TTC28: variants seen among roughly 807,000 people sequenced by gnomAD.
TTC28 encodes tetratricopeptide repeat domain 28.
Under a neutral mutation model 198.0 loss-of-function variants are expected in TTC28, and 61 were observed. The ratio of observed to expected loss-of-function variants is 0.31; its 90% CI spans 0.25 to 0.38. The LOEUF is 0.38. Ranked by LOEUF, TTC28 falls within the 10% of genes least tolerant of loss-of-function variation. The pLI, the probability that TTC28 is intolerant of heterozygous loss-of-function variation, is 1.00. For synonymous variants in TTC28, 1,171 were observed against 1,297.8 expected, an observed-to-expected ratio of 0.90 and a Z score of 2.10; for missense variants, 2,678 against 3,164.0, an observed-to-expected ratio of 0.85 and a Z score of 3.69.
At chr22:28,009,105 T>C (rs986398019) in intron 14 of TTC28, among the ~76,000 whole-genome samples, 5 of 152,240 alleles carry the variant, frequency 3.3e-5, no homozygotes, top group Non-Finnish European at 7.3e-5. Flanking sequence ...TGATGGCTCA[T>C]GTGCAAATGC....
At chr22:28,613,714 T>C (rs551518181) in intron 2 of TTC28, among the ~76,000 whole-genome samples, 4 of 152,328 alleles carry the variant, frequency 2.6e-5, no homozygotes, top group Non-Finnish European at 5.9e-5. Context: ...TCTCAATAGA[T>C]GCAGGAAAGG....
At chr22:28,093,921 A>G (rs1232187576) in intron 12 of TTC28, among the ~76,000 whole-genome samples, 159 bp downstream of exon 12, 2 of 152,252 alleles carry the variant, frequency 1.3e-5, no homozygotes, top group East Asian at 1.9e-4. Context: ...CTTACACTCC[A>G]GAGACACATA....
At position 28,637,596 on chromosome 22, in the gene TTC28, C is replaced by T. The variant is rs145577967; in HGVS notation, c.103-7766G>A. Among the ~76,000 whole-genome samples, 547 of 152,072 alleles carry T rather than the reference C, an allele frequency of 3.6e-3. 2 individuals carry two copies. The highest frequency in any genetic ancestry group is 0.012 in the African/African-American group (508 of 41,494). ...ATCAGCAAGGAAGACAAAAAAGGAA[C>T]GAAAGGTTTACACAACAGTCAGAAA... On this transcript the variant is annotated intron_variant, in intron 1 of 22. Coordinates refer to ENST00000397906, the MANE Select transcript of TTC28 (RefSeq NM_001145418.2).
intron 2 of TTC28, among the ~76,000 whole-genome samples, chr22:28,419,534 T>C (rs908939069): frequency 3.3e-5 from 5 of 152,220 alleles, no homozygotes; most frequent in Non-Finnish European, 7.3e-5. Flanking sequence ...AAAAGAGAAC[T>C]TTAGTATTTT....
intron 1 of TTC28, among the ~76,000 whole-genome samples, chr22:28,649,284 G>A (rs2051529504): frequency 6.6e-6 from 1 of 152,160 alleles, no homozygotes; most frequent in Non-Finnish European, 1.5e-5. Context: ...CCACTCTGGT[G>A]ATGACTGCAC....
In TTC28 at chr22:27,996,158, C is replaced by T. The variant is rs763251506; in HGVS notation, c.5221G>A (p.Ala1741Thr). The T allele has an allele frequency of 9.7e-6, 15 of 1,550,612 alleles. No homozygotes were observed. In the East Asian group the frequency reaches 9.8e-5, roughly 10 times the overall value. The change falls in exon 17 of 23, where the codon GCC (alanine) becomes ACC (threonine). Residue 1741 changes from alanine (A) to threonine (T), a missense_variant. Ala to Thr is a moderately conservative substitution (Grantham distance 58). Coordinates refer to ENST00000397906, the MANE Select transcript of TTC28 (RefSeq NM_001145418.2). ...ILQHPERARD[A>T]LRVLLHLVEK... is the part of the protein sequence containing the mutation. ...ACCAGGTGCAGCAGCACTCGCAGGG[C>T]GTCCCGCGCACGCTCCGGGTGCTGC...
At chr22:28,148,429 T>C (rs1387243116) in intron 6 of TTC28, among the ~76,000 whole-genome samples, 2 of 152,056 alleles carry the variant, frequency 1.3e-5, no homozygotes, top group African/African-American at 2.4e-5. Context: ...CTGGCTAACA[T>C]GGTGAAACCC....
chr22:28,271,845 C>T (rs866127939), intron 5 of TTC28, among the ~76,000 whole-genome samples: 4 of 152,066 alleles, frequency 2.6e-5, no homozygotes, highest in African/African-American at 4.8e-5. Context: ...CCTTGTGATC[C>T]GCCCACCTCG....
At chr22:28,607,785 C>G (rs2050757404) in intron 2 of TTC28, among the ~76,000 whole-genome samples, 1 of 152,184 alleles carries the variant, frequency 6.6e-6, no homozygotes, top group South Asian at 2.1e-4. Flanking sequence ...TTTCACTCAT[C>G]AAGTTCACTA....
At chr22:28,549,561 C>G (rs993029031) in intron 2 of TTC28, among the ~76,000 whole-genome samples, 1 of 152,170 alleles carries the variant, frequency 6.6e-6, no homozygotes, top group African/African-American at 2.4e-5. Context: ...GATTTGGATT[C>G]TCTCCTTTTT....
chr22:27,988,762 G>T (rs1403945019), intron 21 of TTC28, among the ~76,000 whole-genome samples: 4 of 150,336 alleles, frequency 2.7e-5, no homozygotes, highest in African/African-American at 9.8e-5. Flanking sequence ...ACCCCGCCCC[G>T]ACCCCTCCGT....
At chr22:28,153,379 C>A in intron 6 of TTC28, among the ~76,000 whole-genome samples, 1 of 129,166 alleles carries the variant, frequency 7.7e-6, no homozygotes, top group Non-Finnish European at 1.6e-5. Flanking sequence ...TTTGGGTATC[C>A]AGAAACTCAA....
chr22:28,496,679 G>T (rs866589983), intron 2 of TTC28, among the ~76,000 whole-genome samples: 10 of 151,810 alleles, frequency 6.6e-5, no homozygotes, highest in African/African-American at 2.2e-4. Context: ...AACAGGCTCC[G>T]TACTCTGCCC....
intron 2 of TTC28, among the ~76,000 whole-genome samples, chr22:28,355,703 G>A (rs1181469533): frequency 7.2e-5 from 11 of 152,196 alleles, no homozygotes; most frequent in Non-Finnish European, 1.6e-4. Flanking sequence ...ACGGCCAAAA[G>A]CTGTCCAGAT....
intron 2 of TTC28, among the ~76,000 whole-genome samples, chr22:28,346,424 A>G (rs2145919713): frequency 6.6e-6 from 1 of 152,318 alleles, no homozygotes; most frequent in East Asian, 1.9e-4. Flanking sequence ...AGGCTACTTT[A>G]TGTTCACTGG....
intron 1 of TTC28, among the ~76,000 whole-genome samples, chr22:28,678,540 C>CT (rs1569096164): frequency 6.6e-6 from 1 of 152,190 alleles, no homozygotes; most frequent in Non-Finnish European, 1.5e-5. Flanking sequence ...ATAGTGTATA[C>CT]TAAGCAACAT....
rs1488198482 is a variant in TTC28, at chr22:28,486,954, A to C, written c.381+142598T>G. 2.6e-5 allele frequency among the ~76,000 whole-genome samples: 4 copies of C among 152,200 alleles called. No homozygotes were observed. In the East Asian group the frequency reaches 7.7e-4, roughly 29 times the overall value. On this transcript the variant is annotated intron_variant, in intron 2 of 22. Transcript: ENST00000397906. Reference sequence around the variant, plus strand: ...GCAAATATTTAAATGTTTGAGATTTACTGTTAAATGATCAAAAATCTGAGT... The same window carrying C: ...GCAAATATTTAAATGTTTGAGATTTCCTGTTAAATGATCAAAAATCTGAGT...
At chr22:28,207,023 G>A (rs1926464825) in intron 5 of TTC28, among the ~76,000 whole-genome samples, 1 of 152,050 alleles carries the variant, frequency 6.6e-6, no homozygotes, top group South Asian at 2.1e-4. Flanking sequence ...AATATAAAAT[G>A]TTATTAGGAA....
At chr22:28,256,119 TA>T (rs561946014) in intron 5 of TTC28, among the ~76,000 whole-genome samples, 2,779 of 144,386 alleles carry the variant, frequency 0.019, 76 homozygotes, top group African/African-American at 0.06. Flanking sequence ...TGAGGCCTTT[TA>T]AAAAAAAAAA....
Sources: allele counts gnomAD v4.1 joint callset (sites outside exome capture counted in the v4.1 genomes callset), GRCh38; gene constraint gnomAD v4.1.1; transcripts MANE v1.5; gene names NCBI Gene and HGNC (gene_info 2026-07-23, HGNC 2026-07-21).